Variants in KLHL32 observed in about 807,000 individuals in gnomAD.
KLHL32 encodes kelch like family member 32, also known as kelch-like protein 32.
Under a neutral mutation model 64.8 loss-of-function variants are expected in KLHL32, and 35 were observed. The ratio of observed to expected loss-of-function variants is 0.54; its 90% CI spans 0.41 to 0.72. The LOEUF is 0.72. Ranked by LOEUF, KLHL32 falls within the 30% of genes least tolerant of loss-of-function variation. The pLI, the probability that KLHL32 is intolerant of heterozygous loss-of-function variation, is 0.00. For missense variants in KLHL32, 589 were observed against 768.5 expected, an observed-to-expected ratio of 0.77 and a Z score of 2.76; for synonymous variants, 259 against 281.0, an observed-to-expected ratio of 0.92 and a Z score of 0.78.
the KLHL32 span, among the ~76,000 whole-genome samples, chr6:96,909,498 T>G: frequency 6.6e-6 from 1 of 152,180 alleles, no homozygotes; most frequent in Admixed American, 6.5e-5. Flanking sequence ...TGCTACTCTG[T>G]TCGCACTGTT....
At chr6:97,001,250 G>A (rs1311066022) in intron 3 of KLHL32, among the ~76,000 whole-genome samples, 1 of 152,138 alleles carries the variant, frequency 6.6e-6, no homozygotes, top group Non-Finnish European at 1.5e-5. Flanking sequence ...GATGGAGTAG[G>A]CTGTGCTTGT....
At chr6:96,927,640 AT>A (rs1769327507) in intron 1 of KLHL32, among the ~76,000 whole-genome samples, 1 of 152,214 alleles carries the variant, frequency 6.6e-6, no homozygotes, top group Non-Finnish European at 1.5e-5. Flanking sequence ...AAGCCAAAAG[AT>A]TTGAACAGCG....
At chr6:97,096,222 G>A (rs760830) in intron 6 of KLHL32, among the ~76,000 whole-genome samples, 6 of 152,028 alleles carry the variant, frequency 3.9e-5, no homozygotes, top group South Asian at 4.1e-4. Flanking sequence ...GCCAACAGCC[G>A]TCCTGTCCTC....
the KLHL32 span, among the ~76,000 whole-genome samples, chr6:96,904,018 G>C: frequency 6.6e-6 from 1 of 152,100 alleles, no homozygotes; most frequent in Admixed American, 6.6e-5. Context: ...TAGCTGAATA[G>C]CTAGCTATCC....
intron 3 of KLHL32, among the ~76,000 whole-genome samples, chr6:96,991,439 G>A (rs1049827810): frequency 3.3e-5 from 5 of 152,150 alleles, no homozygotes; most frequent in Non-Finnish European, 5.9e-5. Flanking sequence ...CTTCCCCAAT[G>A]CAGTAAGGGT....
chr6:96,962,307 T>G (rs1456372176), intron 1 of KLHL32, among the ~76,000 whole-genome samples: 1 of 152,190 alleles, frequency 6.6e-6, no homozygotes, highest in Non-Finnish European at 1.5e-5. Context: ...GAAAAGAGAC[T>G]TACCAGAAAT....
At chr6:97,069,153 A>G (rs1250106180) in intron 5 of KLHL32, among the ~76,000 whole-genome samples, 1 of 152,152 alleles carries the variant, frequency 6.6e-6, no homozygotes, top group Non-Finnish European at 1.5e-5. Context: ...GCAAAGCCCA[A>G]ATTCTTACTA....
chr6:97,033,093 A>G (rs559329031), intron 3 of KLHL32, among the ~76,000 whole-genome samples: 1 of 152,202 alleles, frequency 6.6e-6, no homozygotes, highest in African/African-American at 2.4e-5. Context: ...AGAGCTTGCC[A>G]TATGTCAGGC....
intron 7 of KLHL32, among the ~76,000 whole-genome samples, chr6:97,121,777 G>C (rs1679968139): frequency 6.6e-6 from 1 of 152,144 alleles, no homozygotes; most frequent in South Asian, 2.1e-4. Flanking sequence ...GAGCTGTATT[G>C]TTCTACTAAA....
At chr6:97,112,434 G>GT (rs1402295661) in intron 6 of KLHL32, among the ~76,000 whole-genome samples, 1 of 151,780 alleles carries the variant, frequency 6.6e-6, no homozygotes, top group Admixed American at 6.6e-5. Context: ...ATGAATTGTG[G>GT]TTTTTTCATT....
At chr6:97,061,105 T>C (rs1206118) in intron 4 of KLHL32, among the ~76,000 whole-genome samples, 16,760 of 152,150 alleles carry the variant, frequency 0.11, 965 homozygotes, top group African/African-American at 0.13. Flanking sequence ...GCCCCTTGTG[T>C]TCCACCACCT....
chr6:97,057,338 C>T (rs1788141770), intron 4 of KLHL32, among the ~76,000 whole-genome samples: 1 of 127,668 alleles, frequency 7.8e-6, no homozygotes, highest in Admixed American at 8.6e-5. Flanking sequence ...CACGCGCCAC[C>T]ATGCCCGGCT....
At chr6:96,988,171 A>G (rs938359333) in intron 3 of KLHL32, among the ~76,000 whole-genome samples, 8 of 152,246 alleles carry the variant, frequency 5.3e-5, no homozygotes, top group African/African-American at 1.9e-4. Context: ...CAGGCAACCT[A>G]CAGAATGGGA....
intron 5 of KLHL32, among the ~76,000 whole-genome samples, chr6:97,067,467 C>G (rs1789976587): frequency 6.6e-6 from 1 of 152,078 alleles, no homozygotes. Context: ...CTTTAGGCTC[C>G]CATTAATCTT....
Position 97,099,416 on chromosome 6 carries a change from G to A in KLHL32, c.627+14075G>A, listed in dbSNP as rs567363188. Among the ~76,000 whole-genome samples, 15 of 152,332 alleles carry A rather than the reference G, an allele frequency of 9.8e-5. No homozygotes were observed. In the South Asian group the frequency reaches 2.9e-3, roughly 29 times the overall value. ...TCTTCCTCCTAATCTGATAAAGAAT[G>A]TTTCAGACCTGTGATTTCCCCAGAT... On this transcript the variant is annotated intron_variant, in intron 6 of 10. Coordinates refer to ENST00000369261, the MANE Select transcript of KLHL32 (RefSeq NM_052904.4).
chr6:97,069,400 C>CT (rs199967868), intron 5 of KLHL32, among the ~76,000 whole-genome samples: 21,192 of 134,418 alleles, frequency 0.16, 1,824 homozygotes, highest in African/African-American at 0.24. Context: ...GATTTTGTTC[C>CT]TTTTTTTTTT....
rs747635380 is a variant in KLHL32, at chr6:97,135,299, AT to A, written c.1701+2575del. On this transcript the variant is annotated intron_variant, in intron 10 of 10. Transcript: ENST00000369261. ...CTACAAAGCACAGACAAATTTGTTAATTTTTTTTTTTTTTTTTTTTTTTCCT... is the reference window on the plus strand; with the variant it reads ...CTACAAAGCACAGACAAATTTGTTAATTTTTTTTTTTTTTTTTTTTTTCCT... Among the ~76,000 whole-genome samples the A allele has an allele frequency of 5.8e-3, 638 of 109,566 alleles. 4 individuals are homozygous for A. The highest frequency in any genetic ancestry group is 0.019 in the African/African-American group (485 of 26,112). The allele number at this position is 109,566 out of a possible 152,430, so 71.9% of individuals were successfully genotyped here.
chr6:97,120,747 G>A (rs931644749), intron 7 of KLHL32, among the ~76,000 whole-genome samples: 1 of 152,194 alleles, frequency 6.6e-6, no homozygotes, highest in Admixed American at 6.5e-5. Flanking sequence ...CACTTGCCTG[G>A]TAGAGGTTAG....
At chr6:97,128,857 C>T (rs529520251) in intron 8 of KLHL32, among the ~76,000 whole-genome samples, 1 of 152,344 alleles carries the variant, frequency 6.6e-6, no homozygotes, top group African/African-American at 2.4e-5. Flanking sequence ...GCTTTGCAAA[C>T]CAGATGGCGT....
Sources: gnomAD v4.1 joint callset for allele counts (sites outside exome capture counted in the v4.1 genomes callset) on GRCh38, gnomAD v4.1.1 for gene constraint, MANE v1.5 for transcripts, NCBI Gene and HGNC (gene_info 2026-07-23, HGNC 2026-07-21) for gene names.